The following TLK1 variants were observed in gnomAD, a reference collection of about 807,000 sequenced individuals.
The protein encoded by TLK1 is tousled like kinase 1.
Under a neutral mutation model 105.3 loss-of-function variants are expected in TLK1, and 24 were observed. The ratio of observed to expected loss-of-function variants is 0.23; its 90% CI spans 0.17 to 0.32. The LOEUF is 0.32. TLK1 is among the 10% of genes least tolerant of loss of function. The pLI is 1.00. For missense variants in TLK1, 558 were observed against 910.5 expected (o/e 0.61, Z 4.98); for synonymous variants, 321 against 310.4 (o/e 1.03, Z -0.36).
At chr2:171,194,939 T>C (rs1424800838) in intron 1 of TLK1, among the ~76,000 whole-genome samples, 1 of 152,054 alleles carries the variant, frequency 6.6e-6, no homozygotes, top group African/African-American at 2.4e-5. Flanking sequence ...TGGCAATCAC[T>C]ACACGAATCA....
At chr2:171,070,872 A>G (rs1432456472) in intron 3 of TLK1, among the ~76,000 whole-genome samples, 1 of 152,182 alleles carries the variant, frequency 6.6e-6, no homozygotes, top group African/African-American at 2.4e-5. Context: ...TGGTTGTACT[A>G]ATCTTCACTT....
chr2:171,053,976 G>T, intron 7 of TLK1, 123 bp from the exon 8 acceptor site: 1 of 711,246 alleles, frequency 1.4e-6, no homozygotes, highest in Non-Finnish European at 2.1e-6. Context: ...TATGTAAAGT[G>T]AATCTCAAAA....
chr2:171,177,685 C>G (rs1480958157), intron 1 of TLK1, among the ~76,000 whole-genome samples: 1 of 152,174 alleles, frequency 6.6e-6, no homozygotes, highest in Non-Finnish European at 1.5e-5. Flanking sequence ...ACTCAAGGTC[C>G]TTACTGAATA....
intron 1 of TLK1, among the ~76,000 whole-genome samples, chr2:171,135,982 A>T (rs1290289583): frequency 6.6e-6 from 1 of 152,214 alleles, no homozygotes; most frequent in Non-Finnish European, 1.5e-5. Context: ...CTAGATAGAA[A>T]ATAGAAAGCA....
intron 1 of TLK1, among the ~76,000 whole-genome samples, chr2:171,193,643 C>T (rs1383176035): frequency 6.0e-5 from 9 of 150,316 alleles, no homozygotes; most frequent in African/African-American, 2.0e-4. Flanking sequence ...CCTCGTGATC[C>T]GCCCGCCTCA....
At chr2:171,184,572 T>G (rs56216250) in intron 1 of TLK1, among the ~76,000 whole-genome samples, 30,643 of 149,736 alleles carry the variant, frequency 0.2, 5,114 homozygotes, top group African/African-American at 0.45. Flanking sequence ...AGCCTGGGAG[T>G]TGGAGGTTGC....
rs187643698 is a variant in TLK1 at position 171,014,990 on chromosome 2, T to C, written c.1237-42A>G. 164 of 1,434,656 alleles carry C rather than the reference T, an allele frequency of 1.1e-4. No individual in the cohort carries two copies. The Admixed American group carries it at 1.4e-3, about 13-fold the overall frequency. The allele number at this position is 1,434,656 out of a possible 1,614,324, so 88.9% of individuals were successfully genotyped here. A position where few individuals can be genotyped will look rare whatever the true frequency, so the allele number is the denominator to read the frequency against. ...GGGACTATAACAAGCTCAATTTATT[T>C]GCGATATAAAAAAGATATTTTTACC... On this transcript the variant is annotated intron_variant, in intron 12 of 20. Coordinates refer to ENST00000431350, the MANE Select transcript of TLK1 (RefSeq NM_012290.5).
At chr2:171,120,445 A>G (rs1235589420) in intron 1 of TLK1, among the ~76,000 whole-genome samples, 1 of 152,120 alleles carries the variant, frequency 6.6e-6, no homozygotes, top group Admixed American at 6.5e-5. Context: ...CTACAACTCA[A>G]TAACAAAAAA....
At chr2:171,138,454 A>T (rs908783573) in intron 1 of TLK1, among the ~76,000 whole-genome samples, 3 of 152,202 alleles carry the variant, frequency 2.0e-5, no homozygotes, top group Non-Finnish European at 4.4e-5. Context: ...CAGCATTTGG[A>T]GGACAGTACG....
At chr2:171,070,349 T>C (rs957611712) in intron 3 of TLK1, among the ~76,000 whole-genome samples, 3 of 151,526 alleles carry the variant, frequency 2.0e-5, no homozygotes, top group African/African-American at 7.3e-5. Flanking sequence ...ATACACACTC[T>C]GTTGTGCTAG....
At chr2:171,120,686 C>T (rs1690617569) in intron 1 of TLK1, among the ~76,000 whole-genome samples, 2 of 152,152 alleles carry the variant, frequency 1.3e-5, no homozygotes, top group South Asian at 2.1e-4. Flanking sequence ...CCTTGTGCAT[C>T]GCTGGTGGGA....
chr2:171,219,996 G>A (rs549410402), intron 1 of TLK1, among the ~76,000 whole-genome samples: 4 of 152,176 alleles, frequency 2.6e-5, no homozygotes, highest in South Asian at 2.1e-4. Context: ...CAACATTATC[G>A]CTTTGGGGGT....
At chr2:171,016,582 C>T (rs905617396) in intron 12 of TLK1, among the ~76,000 whole-genome samples, 1 of 152,072 alleles carries the variant, frequency 6.6e-6, no homozygotes, top group African/African-American at 2.4e-5. Flanking sequence ...TCCTTTGCTT[C>T]TTTTTAGTAA....
At chr2:171,109,207 T>C (rs1307022608) in intron 2 of TLK1, among the ~76,000 whole-genome samples, 2 of 152,230 alleles carry the variant, frequency 1.3e-5, no homozygotes, top group East Asian at 1.9e-4. Flanking sequence ...AGATATGAAA[T>C]GTTTCTAAAA....
intron 1 of TLK1, among the ~76,000 whole-genome samples, chr2:171,130,645 C>A (rs1691065564): frequency 6.6e-6 from 1 of 152,110 alleles, no homozygotes; most frequent in African/African-American, 2.4e-5. Flanking sequence ...TATTAGCATT[C>A]CAATCTACTC....
At chr2:171,013,609 A>C (rs1434515108) in intron 13 of TLK1, among the ~76,000 whole-genome samples, 2 of 152,106 alleles carry the variant, frequency 1.3e-5, no homozygotes, top group African/African-American at 4.8e-5. Context: ...CCTGGCTTTC[A>C]TTAGAATTTT....
intron 13 of TLK1, among the ~76,000 whole-genome samples, chr2:171,014,358 A>C (rs551564898): frequency 6.6e-6 from 1 of 152,268 alleles, no homozygotes; most frequent in East Asian, 1.9e-4. Context: ...GGAAATGAAG[A>C]AGCAGAGACT....
rs573861545 is a variant in TLK1 at position 171,137,680 on chromosome 2, C to G, written c.140-19823G>C. ...CCTGGGCAACATGGTGAAACCCCGT[C>G]TCTACTAAAATACAAAAAATTAGCC... On this transcript the variant is annotated intron_variant, in intron 1 of 20. Coordinates refer to ENST00000431350, the MANE Select transcript of TLK1 (RefSeq NM_012290.5). 2.0e-5 allele frequency among the ~76,000 whole-genome samples: 3 copies of G among 152,096 alleles called. No individual in the cohort carries two copies. The East Asian group carries it at 5.8e-4, about 29-fold the overall frequency.
chr2:171,085,482 T>C (rs188385427), intron 2 of TLK1, among the ~76,000 whole-genome samples: 25 of 151,890 alleles, frequency 1.6e-4, no homozygotes, highest in South Asian at 4.2e-4. Flanking sequence ...ATTAAAAAAA[T>C]TGAAACTACT....
Sources: gnomAD v4.1 joint callset for allele counts (sites outside exome capture counted in the v4.1 genomes callset) on GRCh38, gnomAD v4.1.1 for gene constraint, MANE v1.5 for transcripts, NCBI Gene and HGNC (gene_info 2026-07-23, HGNC 2026-07-21) for gene names.